KCNK2: variants seen among roughly 807,000 people sequenced by gnomAD.
KCNK2 encodes potassium channel subfamily K member 2.
KCNK2 carries 21 observed loss-of-function variants against 40.5 expected under a neutral mutation model. That is an observed-to-expected ratio of 0.52 (90% CI 0.37 to 0.75). KCNK2 has a LOEUF of 0.75. Ranked by LOEUF, KCNK2 falls within the 30% of genes least tolerant of loss-of-function variation. The pLI is 0.00. For synonymous variants in KCNK2, 191 were observed against 202.2 expected (o/e 0.94, Z 0.47); for missense variants, 399 against 531.6 (o/e 0.75, Z 2.45).
chr1:215,072,399 A>T (rs752905184), intron 1 of KCNK2, among the ~76,000 whole-genome samples: 73 of 152,240 alleles, frequency 4.8e-4, no homozygotes, highest in Non-Finnish European at 9.6e-4. Context: ...TGCAACCAGG[A>T]GAACTTAAGA....
chr1:215,154,836 C>T (rs994748729), intron 3 of KCNK2, among the ~76,000 whole-genome samples: 2 of 152,028 alleles, frequency 1.3e-5, no homozygotes, highest in Non-Finnish European at 2.9e-5. Flanking sequence ...ATTGAATAGG[C>T]GATCCTTCCC....
intron 3 of KCNK2, among the ~76,000 whole-genome samples, chr1:215,137,558 A>G (rs1571654170): frequency 6.6e-6 from 1 of 152,216 alleles, no homozygotes; most frequent in South Asian, 2.1e-4. Context: ...GTGAAGAAAA[A>G]TAAGATTTAT....
At chr1:215,042,008 A>G (rs1172057618) in intron 1 of KCNK2, among the ~76,000 whole-genome samples, 2 of 152,120 alleles carry the variant, frequency 1.3e-5, no homozygotes, top group Admixed American at 1.3e-4. Flanking sequence ...TTTGCAGGGG[A>G]ACTCTCCCTT....
intron 1 of KCNK2, among the ~76,000 whole-genome samples, chr1:215,077,085 A>G: frequency 6.6e-6 from 1 of 152,196 alleles, no homozygotes; most frequent in East Asian, 1.9e-4. Flanking sequence ...GGTATAGAGC[A>G]AAAGTTGCTT....
At chr1:215,214,878 T>C (rs1665894918) in intron 6 of KCNK2, among the ~76,000 whole-genome samples, 1 of 152,090 alleles carries the variant, frequency 6.6e-6, no homozygotes, top group Non-Finnish European at 1.5e-5. Context: ...CATGTCTATA[T>C]GGATTGTCCC....
At chr1:215,066,594 G>C (rs760686399) in intron 1 of KCNK2, among the ~76,000 whole-genome samples, 1 of 152,176 alleles carries the variant, frequency 6.6e-6, no homozygotes, top group Non-Finnish European at 1.5e-5. Context: ...AGCCTGCCTG[G>C]TAATTCAAGC....
chr1:215,203,983 A>G (rs2102676232), intron 6 of KCNK2, among the ~76,000 whole-genome samples: 1 of 128,756 alleles, frequency 7.8e-6, no homozygotes, highest in Non-Finnish European at 1.6e-5. Context: ...GCTTGCAGTG[A>G]GCCGAGATCG....
upstream of KCNK2, among the ~76,000 whole-genome samples, chr1:215,079,283 C>T (rs1659058217): frequency 6.6e-6 from 1 of 152,070 alleles, no homozygotes; most frequent in Admixed American, 6.6e-5. Flanking sequence ...CTAGCTGAGA[C>T]TGGGTAATTT....
intron 1 of KCNK2, among the ~76,000 whole-genome samples, chr1:215,012,954 C>T (rs557257113): frequency 3.9e-5 from 6 of 151,922 alleles, no homozygotes; most frequent in African/African-American, 9.6e-5. Flanking sequence ...TTTCCTAATT[C>T]GAATTTATGA....
intron 3 of KCNK2, among the ~76,000 whole-genome samples, chr1:215,141,796 T>G (rs1282258110): frequency 6.6e-6 from 1 of 152,116 alleles, no homozygotes; most frequent in Non-Finnish European, 1.5e-5. Context: ...AACTAACTGC[T>G]GTTTTCATTT....
intron 5 of KCNK2, among the ~76,000 whole-genome samples, chr1:215,175,414 C>T (rs1225734285): frequency 6.6e-6 from 1 of 151,582 alleles, no homozygotes; most frequent in Non-Finnish European, 1.5e-5. Flanking sequence ...TTTTACATTT[C>T]CTCTCTAATT....
intron 1 of KCNK2, among the ~76,000 whole-genome samples, chr1:215,061,463 AG>A (rs1290364368): frequency 6.6e-6 from 1 of 152,154 alleles, no homozygotes; most frequent in African/African-American, 2.4e-5. Context: ...GAATGGGTTC[AG>A]AAATAAGACT....
intron 3 of KCNK2, among the ~76,000 whole-genome samples, chr1:215,150,510 C>A (rs1163109649): frequency 6.6e-6 from 1 of 152,002 alleles, no homozygotes; most frequent in Non-Finnish European, 1.5e-5. Flanking sequence ...TTATTCTGTT[C>A]TTTTCTGCTT....
chr1:215,045,954 T>C (rs1177027490), intron 1 of KCNK2, among the ~76,000 whole-genome samples: 1 of 152,322 alleles, frequency 6.6e-6, no homozygotes, highest in African/African-American at 2.4e-5. Flanking sequence ...ACATAGTATA[T>C]TGTAAAAATA....
At chr1:215,208,963 G>A (rs60429867) in intron 6 of KCNK2, among the ~76,000 whole-genome samples, 3,722 of 151,634 alleles carry the variant, frequency 0.025, 150 homozygotes, top group African/African-American at 0.085. Context: ...TAGTAGCTGG[G>A]ATTACAGACA....
chr1:215,093,801 T>A (rs1406608114), intron 2 of KCNK2, among the ~76,000 whole-genome samples: 1 of 24,170 alleles, frequency 4.1e-5, no homozygotes, highest in Non-Finnish European at 1.3e-4. Context: ...TTATATAATA[T>A]AAAATATATT....
upstream of KCNK2, among the ~76,000 whole-genome samples, chr1:215,079,342 C>A (rs992924949): frequency 7.9e-5 from 12 of 152,064 alleles, no homozygotes; most frequent in African/African-American, 2.4e-4. Flanking sequence ...GCTGTACAGG[C>A]AGCATGGTTG....
intron 1 of KCNK2, among the ~76,000 whole-genome samples, chr1:215,007,161 GTATATATATATGTA>G (rs1403650793): frequency 5.6e-5 from 5 of 88,586 alleles, no homozygotes; most frequent in Non-Finnish European, 9.0e-5. Flanking sequence ...ATATATGTAT[GTATATATATATGTA>G]TGTGTGTGGG....
upstream of KCNK2, among the ~76,000 whole-genome samples, chr1:215,080,427 A>G (rs539192163): frequency 2.6e-4 from 40 of 152,316 alleles, no homozygotes; most frequent in African/African-American, 9.6e-4. Flanking sequence ...CAGGGTAGAA[A>G]ATGATTCAGA....
Sources: gnomAD v4.1 joint callset for allele counts (sites outside exome capture counted in the v4.1 genomes callset) on GRCh38, gnomAD v4.1.1 for gene constraint, MANE v1.5 for transcripts, NCBI Gene and HGNC (gene_info 2026-07-23, HGNC 2026-07-21) for gene names.